Variants in MAP4K4 observed in about 807,000 individuals in gnomAD.
The protein encoded by MAP4K4 is HPK/GCK-like kinase HGK.
A neutral mutation model predicts 189.6 loss-of-function variants in MAP4K4; 38 were observed. That is an observed-to-expected ratio of 0.20 (90% CI 0.15 to 0.26). The LOEUF is 0.26. Among genes scored for constraint, MAP4K4 ranks in the 10% least tolerant of loss-of-function variants. The pLI is 1.00. For missense variants in MAP4K4, 1,054 were observed against 1,726.9 expected, an observed-to-expected ratio of 0.61 and a Z score of 6.91; for synonymous variants, 610 against 624.3, an observed-to-expected ratio of 0.98 and a Z score of 0.34.
exon 33 of MAP4K4, chr2:101,892,088 G>A (rs1209700222): frequency 6.7e-6 from 1 of 149,348 alleles, no homozygotes; most frequent in South Asian, 2.1e-4. Flanking sequence ...GACAGTATTA[G>A]CACTGCCTCA....
intron 3 of MAP4K4, among the ~76,000 whole-genome samples, chr2:101,797,011 C>T (rs960138779): frequency 7.2e-5 from 11 of 152,204 alleles, no homozygotes; most frequent in Admixed American, 3.3e-4. Context: ...GCTCTGACCA[C>T]GCATGGGCAG....
chr2:101,698,360 C>A, intron 1 of MAP4K4, 113 bp from the exon 2 acceptor site: 1 of 1,062,152 alleles, frequency 9.4e-7, no homozygotes, highest in Non-Finnish European at 1.4e-6. Flanking sequence ...GGGGACCGCG[C>A]GGGGCGAAGC....
At chr2:101,893,292 AAAG>A in exon 33 of MAP4K4, 1 of 456,122 alleles carries the variant, frequency 2.2e-6, no homozygotes, top group Non-Finnish European at 4.4e-6. Context: ...TGGGGAAGTA[AAAG>A]AAGATGGAAA....
At chr2:101,839,628 G>A (rs909579703) in intron 9 of MAP4K4, among the ~76,000 whole-genome samples, 191 bp from the exon 10 acceptor site, 2 of 152,160 alleles carry the variant, frequency 1.3e-5, no homozygotes, top group Non-Finnish European at 2.9e-5. Flanking sequence ...CTTAAACTGT[G>A]CTAAATTAAT....
chr2:101,720,915 G>GAAT (rs1157706826), intron 2 of MAP4K4, among the ~76,000 whole-genome samples: 1 of 151,628 alleles, frequency 6.6e-6, no homozygotes, highest in Non-Finnish European at 1.5e-5. Flanking sequence ...AGTCTTTAGA[G>GAAT]AATAACATTT....
At chr2:101,832,017 C>T (rs914552865) in intron 7 of MAP4K4, among the ~76,000 whole-genome samples, 166 bp downstream of exon 7, 11 of 152,188 alleles carry the variant, frequency 7.2e-5, no homozygotes, top group African/African-American at 2.4e-4. Context: ...TATTCAGATG[C>T]TGTCTTTTTT....
intron 27 of MAP4K4, among the ~76,000 whole-genome samples, chr2:101,877,555 G>A (rs1396752840): frequency 8.1e-5 from 12 of 148,780 alleles, no homozygotes; most frequent in Non-Finnish European, 1.6e-4. Flanking sequence ...GGCTCACTGC[G>A]AGCTCCGCCT....
chr2:101,833,308 T>G (rs551756184), intron 7 of MAP4K4, among the ~76,000 whole-genome samples: 1 of 152,254 alleles, frequency 6.6e-6, no homozygotes, highest in Non-Finnish European at 1.5e-5. Context: ...CAAAAATCCT[T>G]TTTTTTGGAT....
Position 101,873,805 on chromosome 2 carries a change from C to CTT in MAP4K4, c.3070+43_3070+44dup, listed in dbSNP as rs565632166. 2.9e-3 allele frequency: 4,117 copies of CTT among 1,408,212 alleles called. 14 individuals are homozygous for CTT. Among genetic ancestry groups the CTT allele is most frequent in the Non-Finnish European group, 3.7e-3 (3,683 of 1,004,286 alleles). 87.2% of individuals were successfully genotyped at this position (1,408,212 alleles called of 1,614,324 possible). On this transcript the variant is annotated intron_variant, in intron 25 of 32. Transcript: ENST00000324219. ...ACAAGAAAGCAGCTGACAAATGGGACTTTATCTTTGAGTTGCTCTTTTGGG... is the reference window on the plus strand; with the variant it reads ...ACAAGAAAGCAGCTGACAAATGGGACTTTTTATCTTTGAGTTGCTCTTTTGGG...
chr2:101,860,286 C>T (rs2097599339), intron 15 of MAP4K4: 1 of 252,398 alleles, frequency 4.0e-6, no homozygotes, highest in South Asian at 5.0e-5. Context: ...TTAGGGTTAC[C>T]CAGAGCCTCA....
chr2:101,870,305 A>C (rs2097948388), exon 23 of MAP4K4: 2 of 1,612,926 alleles, frequency 1.2e-6, no homozygotes. Context: ...GTCATCTCTG[A>C]ATTTGAGCAA....
intron 2 of MAP4K4, among the ~76,000 whole-genome samples, chr2:101,731,826 T>A (rs1173299093): frequency 6.6e-6 from 1 of 151,934 alleles, no homozygotes; most frequent in East Asian, 1.9e-4. Flanking sequence ...ACCAGAATAA[T>A]GCACCCTGTT....
intron 13 of MAP4K4, among the ~76,000 whole-genome samples, chr2:101,858,176 C>T (rs2097534173): frequency 6.6e-6 from 1 of 152,184 alleles, no homozygotes; most frequent in African/African-American, 2.4e-5. Context: ...TGCTAGGGAT[C>T]ATAGAGCCAG....
chr2:101,793,065 G>T (rs560784652), intron 3 of MAP4K4, among the ~76,000 whole-genome samples: 1 of 152,220 alleles, frequency 6.6e-6, no homozygotes, highest in African/African-American at 2.4e-5. Flanking sequence ...TTGTTGAGTT[G>T]TGTACAAAAG....
chr2:101,780,626 G>A lies in MAP4K4; in HGVS notation c.124-10094G>A, dbSNP rs146743009. ...ACTCTTGGGTTCCAGTGCTACATCTGCCCTAGCTTTACAAGGTGTGTTTTT... is the reference window on the plus strand; with the variant it reads ...ACTCTTGGGTTCCAGTGCTACATCTACCCTAGCTTTACAAGGTGTGTTTTT... On this transcript the variant is annotated intron_variant, in intron 2 of 32. Coordinates refer to ENST00000324219, the Ensembl canonical transcript of MAP4K4. Among the ~76,000 whole-genome samples the A allele has an allele frequency of 2.2e-4, 34 of 152,288 alleles. No individual in the cohort carries two copies. The East Asian group carries it at 6.6e-3, about 29-fold the overall frequency.
chr2:101,775,256 C>G (rs2083464846), intron 2 of MAP4K4, among the ~76,000 whole-genome samples: 1 of 151,666 alleles, frequency 6.6e-6, no homozygotes, highest in Non-Finnish European at 1.5e-5. Flanking sequence ...GTGTTTGGCC[C>G]TAGAGAGAGA....
intron 13 of MAP4K4, among the ~76,000 whole-genome samples, chr2:101,857,723 AC>A (rs1190868051): frequency 2.0e-5 from 3 of 150,378 alleles, no homozygotes; most frequent in African/African-American, 2.5e-5. Flanking sequence ...CTCTGCCCAC[AC>A]CCCCCCAGTT....
At chr2:101,891,260 A>C (rs1351652477) in exon 33 of MAP4K4, 3 of 1,610,852 alleles carry the variant, frequency 1.9e-6, no homozygotes, top group Admixed American at 1.7e-5. Context: ...AAGCAGTGTG[A>C]TCCAGGGATT....
chr2:101,765,813 A>G (rs1315602796), intron 2 of MAP4K4, among the ~76,000 whole-genome samples: 1 of 152,212 alleles, frequency 6.6e-6, no homozygotes, highest in African/African-American at 2.4e-5. Flanking sequence ...AAATTTCACA[A>G]TTAAAAGTAG....
Sources: allele counts gnomAD v4.1 joint callset (sites outside exome capture counted in the v4.1 genomes callset), GRCh38; gene constraint gnomAD v4.1.1; transcripts MANE v1.5; gene names NCBI Gene and HGNC (gene_info 2026-07-23, HGNC 2026-07-21).